Variants in DCDC1 observed in about 807,000 individuals in gnomAD.
DCDC1 encodes the protein doublecortin domain containing 1.
DCDC1 carries 200 observed loss-of-function variants against 178.3 expected under a neutral mutation model. The observed-to-expected ratio is 1.12, with a 90% CI of 1.00 to 1.26. The LOEUF is 1.26. Ranked by LOEUF, DCDC1 falls within the 50% of genes most tolerant of loss-of-function variation. The pLI is 0.00. For missense variants in DCDC1, 1,983 were observed against 1,749.2 expected (o/e 1.13, Z -2.38); for synonymous variants, 690 against 604.8 (o/e 1.14, Z -2.07).
chr11:31,269,783 GA>G (rs1321853581), intron 7 of DCDC1, among the ~76,000 whole-genome samples: 1 of 152,042 alleles, frequency 6.6e-6, no homozygotes, highest in Non-Finnish European at 1.5e-5. Flanking sequence ...AAGCACCTGG[GA>G]AAAAATATTC....
intron 22 of DCDC1, among the ~76,000 whole-genome samples, chr11:30,930,432 G>C (rs1027101185): frequency 1.3e-5 from 2 of 152,118 alleles, no homozygotes; most frequent in Non-Finnish European, 2.9e-5. Context: ...ATGTAGTAGA[G>C]TTTTAGTGTT....
At chr11:30,958,276 CTTTA>C (rs1948883181) in intron 20 of DCDC1, among the ~76,000 whole-genome samples, 1 of 152,082 alleles carries the variant, frequency 6.6e-6, no homozygotes, top group Admixed American at 6.6e-5. Flanking sequence ...GCTCGTGAAT[CTTTA>C]TTTGTCATGT....
At chr11:30,973,032 G>A (rs1949898370) in intron 20 of DCDC1, among the ~76,000 whole-genome samples, 1 of 152,038 alleles carries the variant, frequency 6.6e-6, no homozygotes, top group Admixed American at 6.6e-5. Context: ...AGCACTTTTG[G>A]GGGCTGAAGT....
In DCDC1 at chr11:31,319,324, T is replaced by C. The variant is rs1055656189; in HGVS notation, c.164+8793A>G. On this transcript the variant is annotated intron_variant, in intron 3 of 38. Coordinates refer to ENST00000684477, the MANE Select transcript of DCDC1 (RefSeq NM_001387274.1). ...CTTTGTAGGTCACTGAGGACTTGCTTTATGAATCTGGGTGCTCCTGTATTG... is the reference window on the plus strand; with the variant it reads ...CTTTGTAGGTCACTGAGGACTTGCTCTATGAATCTGGGTGCTCCTGTATTG... 8.7e-4 allele frequency among the ~76,000 whole-genome samples: 44 copies of C among 50,478 alleles called. 2 individuals carry two copies. The East Asian group carries it at 0.013, about 15-fold the overall frequency. The allele number at this position is 50,478 out of a possible 152,430, so 33.1% of individuals were successfully genotyped here. A position where few individuals can be genotyped will look rare whatever the true frequency, so the allele number is the denominator to read the frequency against.
At chr11:30,883,561 A>G in intron 36 of DCDC1, 1 of 372,748 alleles carries the variant, frequency 2.7e-6, no homozygotes. Flanking sequence ...CTAAGATTTA[A>G]ATATTACAAA....
chr11:31,113,551 G>C (rs960067544), intron 11 of DCDC1, among the ~76,000 whole-genome samples: 2 of 149,042 alleles, frequency 1.3e-5, no homozygotes, highest in African/African-American at 2.5e-5. Flanking sequence ...TTGGTTTTTT[G>C]TCCTTGCAAT....
chr11:30,865,315 TAAAG>T lies in DCDC1; in HGVS notation c.*54_*57del. 6.6e-6 allele frequency: 1 copy of T among 152,310 alleles called. No individual in the cohort carries two copies. Among genetic ancestry groups the T allele is most frequent in the East Asian group, 1.9e-4 (1 of 5,184 alleles). The allele number at this position is 152,310 out of a possible 1,614,324, so 9.4% of individuals were successfully genotyped here. ...TCACAGTCTTCTGTTTATAAGTGGGTAAAGAAAGTTTTCTTTCCTGTAAGGTAGA... is the reference window on the plus strand; with the variant it reads ...TCACAGTCTTCTGTTTATAAGTGGGTAAAGTTTTCTTTCCTGTAAGGTAGA... On this transcript the variant is annotated 3_prime_UTR_variant, in exon 39 of 39. Coordinates refer to ENST00000684477, the MANE Select transcript of DCDC1 (RefSeq NM_001387274.1).
intron 18 of DCDC1, among the ~76,000 whole-genome samples, chr11:31,067,018 G>A (rs1956286060): frequency 6.6e-6 from 1 of 152,062 alleles, no homozygotes; most frequent in South Asian, 2.1e-4. Context: ...ATCTAAAAGT[G>A]CTCTAAAAAG....
At chr11:31,242,000 C>T (rs1273501478) in intron 8 of DCDC1, among the ~76,000 whole-genome samples, 1 of 151,924 alleles carries the variant, frequency 6.6e-6, no homozygotes, top group African/African-American at 2.4e-5. Flanking sequence ...TGTTTCTGTA[C>T]ATAGCTTCTT....
At chr11:31,059,727 T>C (rs1399708207) in intron 20 of DCDC1, among the ~76,000 whole-genome samples, 2 of 152,014 alleles carry the variant, frequency 1.3e-5, no homozygotes, top group Non-Finnish European at 2.9e-5. Flanking sequence ...ACAAAAATTG[T>C]GTTAATATTT....
intron 34 of DCDC1, among the ~76,000 whole-genome samples, 178 bp from the exon 35 acceptor site, chr11:30,894,562 T>G (rs1204593249): frequency 6.6e-6 from 1 of 152,210 alleles, no homozygotes; most frequent in Non-Finnish European, 1.5e-5. Context: ...CTCTTTCATA[T>G]GGGAGCTTCA....
intron 20 of DCDC1, among the ~76,000 whole-genome samples, chr11:30,975,777 C>A (rs1012831040): frequency 5.9e-5 from 9 of 151,930 alleles, no homozygotes; most frequent in Non-Finnish European, 1.2e-4. Context: ...ATTAAAATTA[C>A]CATACAGCCA....
At chr11:31,272,629 A>C (rs1945650345) in intron 7 of DCDC1, among the ~76,000 whole-genome samples, 1 of 152,246 alleles carries the variant, frequency 6.6e-6, no homozygotes, top group Non-Finnish European at 1.5e-5. Context: ...TGCAAGTCTA[A>C]AATCCAACAG....
chr11:31,192,032 A>G (rs868491120), intron 9 of DCDC1, among the ~76,000 whole-genome samples: 1 of 152,056 alleles, frequency 6.6e-6, no homozygotes, highest in African/African-American at 2.4e-5. Context: ...CTTATCATAC[A>G]AACCAGAAAC....
chr11:30,903,686 A>G lies in DCDC1; in HGVS notation c.4309-3T>C, dbSNP rs1944866094. ...TGTTCCGTGCATTCTGTAAGAAGCT[A>G]GATAACACAGGCAGTAAGGATCTGA... On this transcript the variant is annotated splice_region_variant and splice_polypyrimidine_tract_variant and intron_variant, in intron 31 of 38. Transcript: ENST00000684477. 3 of 1,591,214 alleles carry G rather than the reference A, an allele frequency of 1.9e-6. No homozygotes were observed. Among genetic ancestry groups the G allele is most frequent in the Non-Finnish European group, 2.6e-6 (3 of 1,166,838 alleles).
chr11:31,360,728 G>C (rs1951666982), intron 1 of DCDC1, among the ~76,000 whole-genome samples: 1 of 152,134 alleles, frequency 6.6e-6, no homozygotes, highest in Non-Finnish European at 1.5e-5. Context: ...AGTGGAAAGA[G>C]AAGCAAAGGA....
chr11:31,071,348 GA>G (rs1956547965), intron 18 of DCDC1, among the ~76,000 whole-genome samples: 1 of 152,116 alleles, frequency 6.6e-6, no homozygotes, highest in South Asian at 2.1e-4. Context: ...CATCCTTAAA[GA>G]TACATTTTGG....
At chr11:31,298,943 C>A (rs1448485012) in intron 6 of DCDC1, among the ~76,000 whole-genome samples, 2 of 152,176 alleles carry the variant, frequency 1.3e-5, no homozygotes, top group Non-Finnish European at 2.9e-5. Flanking sequence ...CTCTGACTGT[C>A]AAGTAGGTAT....
chr11:31,226,223 T>C (rs973214666), intron 9 of DCDC1, among the ~76,000 whole-genome samples: 8 of 151,940 alleles, frequency 5.3e-5, no homozygotes, highest in African/African-American at 4.8e-5. Context: ...ATGTCCTAGT[T>C]CAGCCTGGTG....
Sources: allele counts gnomAD v4.1 joint callset (sites outside exome capture counted in the v4.1 genomes callset), GRCh38; gene constraint gnomAD v4.1.1; transcripts MANE v1.5; gene names NCBI Gene and HGNC (gene_info 2026-07-23, HGNC 2026-07-21).